VPS13A: variants seen among roughly 807,000 people sequenced by gnomAD.
VPS13A encodes the protein intermembrane lipid transfer protein VPS13A.
In VPS13A, 264 loss-of-function variants were observed where a neutral mutation model predicts 390.9. The ratio of observed to expected loss-of-function variants is 0.68; its 90% CI spans 0.61 to 0.75. The LOEUF (loss-of-function observed/expected upper bound fraction) is 0.75. VPS13A is among the 30% of genes least tolerant of loss of function. The probability of loss-of-function intolerance (pLI) is 0.00; values close to 1 mark genes in which losing one functional copy is unlikely to be tolerated. For missense variants in VPS13A, 3,409 were observed against 3,733.9 expected (o/e 0.91, Z 2.27); for synonymous variants, 1,231 against 1,227.1 (o/e 1.00, Z -0.07).
intron 68 of VPS13A, among the ~76,000 whole-genome samples, chr9:77,400,730 A>G (rs1240090178): frequency 6.6e-6 from 1 of 151,180 alleles, no homozygotes; most frequent in East Asian, 2.0e-4. Context: ...TGGGAGGCTG[A>G]GGCAGGAGAA....
chr9:77,211,469 C>T (rs1444967041), intron 7 of VPS13A: 1 of 152,014 alleles, frequency 6.6e-6, no homozygotes, highest in African/African-American at 2.4e-5. Context: ...TATTTCATTG[C>T]ATGATTTTAT....
intron 45 of VPS13A, 89 bp from the exon 46 acceptor site, chr9:77,331,921 G>C: frequency 1.2e-6 from 1 of 847,142 alleles, no homozygotes; most frequent in Non-Finnish European, 2.0e-6. Flanking sequence ...TAGTTCCTTT[G>C]TTAAGATAGT....
Position 77,405,923 on chromosome 9 carries a change from GT to G in VPS13A, c.9339del (p.Phe3113LeufsTer24). The G allele has an allele frequency of 6.2e-7, 1 of 1,613,920 alleles. No individual in the cohort carries two copies. Among genetic ancestry groups the G allele is most frequent in the Non-Finnish European group, 8.5e-7 (1 of 1,179,988 alleles). Reference sequence around the variant, plus strand: ...CAACTCACGTGTGAGTGGCAGTATAGTTTTGATGAATTTACCAAAGAGCCAT... The same window carrying G: ...CAACTCACGTGTGAGTGGCAGTATAGTTTGATGAATTTACCAAAGAGCCAT... ...FGQLTCEWQY[S>X]FDEFTKEPFI... On this transcript the variant is annotated frameshift_variant, in exon 70 of 72. Transcript: ENST00000360280. LOFTEE classifies it high-confidence loss of function.
intron 45 of VPS13A, among the ~76,000 whole-genome samples, chr9:77,330,059 C>T (rs189403032): frequency 2.6e-5 from 4 of 152,148 alleles, no homozygotes; most frequent in East Asian, 1.9e-4. Flanking sequence ...CTTGCTCTAT[C>T]GCCCAGGAGT....
intron 23 of VPS13A, among the ~76,000 whole-genome samples, chr9:77,266,613 C>G (rs1024554673): frequency 5.9e-5 from 9 of 152,110 alleles, no homozygotes; most frequent in Non-Finnish European, 1.0e-4. Flanking sequence ...TCATTTCAAC[C>G]TTGGTGAATC....
chr9:77,238,949 G>A (rs1272552848), intron 19 of VPS13A, among the ~76,000 whole-genome samples: 1 of 151,976 alleles, frequency 6.6e-6, no homozygotes, highest in Non-Finnish European at 1.5e-5. Flanking sequence ...CTAGCTCAAT[G>A]TATGATATTA....
At chr9:77,287,576 A>G (rs1233279719) in intron 31 of VPS13A, among the ~76,000 whole-genome samples, 1 of 152,212 alleles carries the variant, frequency 6.6e-6, no homozygotes, top group Non-Finnish European at 1.5e-5. Context: ...AGTAATATAA[A>G]ACAATATTAG....
intron 47 of VPS13A, 92 bp downstream of exon 47, chr9:77,337,629 T>G: frequency 1.5e-6 from 2 of 1,316,120 alleles, no homozygotes; most frequent in Non-Finnish European, 2.1e-6. Context: ...TTTAAAGATC[T>G]AATAAAAATT....
intron 67 of VPS13A, 119 bp downstream of exon 67, chr9:77,371,268 A>G: frequency 3.0e-6 from 4 of 1,329,550 alleles, no homozygotes; most frequent in Non-Finnish European, 4.2e-6. Context: ...GCTATAACAT[A>G]CCACATAATA....
intron 40 of VPS13A, 123 bp downstream of exon 40, chr9:77,317,821 C>G (rs550287947): frequency 1.7e-6 from 1 of 593,250 alleles, no homozygotes; most frequent in East Asian, 3.2e-5. Context: ...TTTGAAAATA[C>G]GTTTTTATGA....
In VPS13A at chr9:77,276,779, A is replaced by G. The variant is rs141158654; in HGVS notation, c.2824+558A>G. Among the ~76,000 whole-genome samples the G allele has an allele frequency of 4.0e-3, 609 of 152,312 alleles. 3 individuals are homozygous for G. Among genetic ancestry groups the G allele is most frequent in the Admixed American group, 6.1e-3 (93 of 15,304 alleles). On this transcript the variant is annotated intron_variant, in intron 26 of 71. Transcript: ENST00000360280. ...AGTTGCTTTTTTGCACGTAGCTGCT[A>G]ACCACAATAAGGCATCAGATCCTCC...
At chr9:77,205,674 C>G (rs1825598282) in intron 4 of VPS13A, among the ~76,000 whole-genome samples, 1 of 151,980 alleles carries the variant, frequency 6.6e-6, no homozygotes, top group Admixed American at 6.6e-5. Flanking sequence ...TCACTGCAAC[C>G]TCTGCCTCCT....
chr9:77,250,762 T>C (rs1475205673), intron 21 of VPS13A, among the ~76,000 whole-genome samples: 3 of 152,212 alleles, frequency 2.0e-5, no homozygotes, highest in Non-Finnish European at 4.4e-5. Context: ...TCATTCACTG[T>C]GGTATACCAG....
chr9:77,323,252 A>T lies in VPS13A; in HGVS notation c.5991+25A>T. The T allele has an allele frequency of 2.5e-6, 4 of 1,610,776 alleles. No homozygotes were observed. The South Asian group carries it at 3.3e-5, about 13-fold the overall frequency. On this transcript the variant is annotated intron_variant, in intron 45 of 71. Transcript: ENST00000360280. ...GGTATGAAATGATCAATTTTGGGGG[A>T]TGTCCTGTTATGCATATCTGTGTGC...
At chr9:77,301,144 A>G (rs183531616) in intron 33 of VPS13A, among the ~76,000 whole-genome samples, 1 of 152,354 alleles carries the variant, frequency 6.6e-6, no homozygotes, top group East Asian at 1.9e-4. Flanking sequence ...TTTCTTTCTC[A>G]TAGTTTGTCC....
intron 71 of VPS13A, among the ~76,000 whole-genome samples, chr9:77,408,116 T>C (rs1228194214): frequency 6.6e-6 from 1 of 152,210 alleles, no homozygotes; most frequent in African/African-American, 2.4e-5. Flanking sequence ...TAAGCACAGT[T>C]TCCTCAAGAT....
intron 52 of VPS13A, among the ~76,000 whole-genome samples, chr9:77,349,326 A>G (rs1035404034): frequency 2.6e-5 from 4 of 152,130 alleles, no homozygotes; most frequent in Non-Finnish European, 5.9e-5. Context: ...TTATAGGTTC[A>G]GGGGTTACAT....
At chr9:77,198,565 T>C (rs1430109482) in intron 1 of VPS13A, among the ~76,000 whole-genome samples, 2 of 152,210 alleles carry the variant, frequency 1.3e-5, no homozygotes, top group African/African-American at 4.8e-5. Flanking sequence ...GGCTTACTTT[T>C]TTTTAAATCT....
At position 77,260,191 on chromosome 9, in the gene VPS13A, A is replaced by G; in HGVS notation, c.2394A>G (p.Val798=). Residue 798 remains valine, a synonymous_variant, in exon 23 of 72, where the codon GTA becomes GTG. Transcript: ENST00000360280. ...AAAGCATTCCAAAACCTGAACCAGTAACTGAAGTATCTGCCCCTGTCAAAT... is the reference window on the plus strand; with the variant it reads ...AAAGCATTCCAAAACCTGAACCAGTGACTGAAGTATCTGCCCCTGTCAAAT... ...LIESIPKPEP[V]TEVSAPVKSF... 6.2e-7 allele frequency: 1 copy of G among 1,613,484 alleles called. No homozygotes were observed. Among genetic ancestry groups the G allele is most frequent in the Non-Finnish European group, 8.5e-7 (1 of 1,179,686 alleles).
Sources: gnomAD v4.1 joint callset for allele counts (sites outside exome capture counted in the v4.1 genomes callset) on GRCh38, gnomAD v4.1.1 for gene constraint, MANE v1.5 for transcripts, NCBI Gene and HGNC (gene_info 2026-07-23, HGNC 2026-07-21) for gene names.